The following RBFOX3 variants were observed in gnomAD, a reference collection of about 807,000 sequenced individuals.
RBFOX3 encodes RNA binding fox-1 homolog 3, also known as RNA binding protein fox-1 homolog 3.
RBFOX3 carries 17 observed loss-of-function variants against 48.7 expected under a neutral mutation model. The ratio of observed to expected loss-of-function variants is 0.35; its 90% CI spans 0.24 to 0.52. The LOEUF (loss-of-function observed/expected upper bound fraction) is 0.52, where lower values mean the gene tolerates loss of function less well. Among genes scored for constraint, RBFOX3 ranks in the 20% least tolerant of loss-of-function variants. RBFOX3 has a pLI of 0.94. For missense variants in RBFOX3, 382 were observed against 497.5 expected, an observed-to-expected ratio of 0.77 and a Z score of 2.21; for synonymous variants, 212 against 209.5, an observed-to-expected ratio of 1.01 and a Z score of -0.10.
chr17:79,437,748 A>G (rs1371006213), intron 2 of RBFOX3, among the ~76,000 whole-genome samples: 1 of 152,234 alleles, frequency 6.6e-6, no homozygotes, highest in African/African-American at 2.4e-5. Context: ...CTTGGTCCTG[A>G]AACCTGTGTC....
At position 79,249,229 on chromosome 17, in the gene RBFOX3, A is replaced by T. The variant is rs2063592143; in HGVS notation, c.-73-13424T>A. Among the ~76,000 whole-genome samples, 1 of 152,150 alleles carries T rather than the reference A, an allele frequency of 6.6e-6. No individual in the cohort carries two copies. Among genetic ancestry groups the T allele is most frequent in the East Asian group, 1.9e-4 (1 of 5,176 alleles). On this transcript the variant is annotated intron_variant, in intron 3 of 14. Coordinates refer to ENST00000693108, the MANE Select transcript of RBFOX3 (RefSeq NM_001350451.2). This position sits in a 1 kb window ranked among gnomAD's most constrained non-coding sequence, Gnocchi z 4.1. ...GGGGCGTCGAAAGCCAAGCGCGCTC[A>T]GGTCTTCAAAGCCACCGTTTGTGCT...
At chr17:79,293,712 C>T (rs946346057) in intron 3 of RBFOX3, among the ~76,000 whole-genome samples, 6 of 152,150 alleles carry the variant, frequency 3.9e-5, no homozygotes, top group Non-Finnish European at 7.3e-5. Context: ...CTTGGCCTCC[C>T]AAAGTGCTGG....
chr17:79,159,459 A>T (rs773800826), intron 4 of RBFOX3, among the ~76,000 whole-genome samples: 10 of 152,174 alleles, frequency 6.6e-5, no homozygotes, highest in Non-Finnish European at 1.3e-4. Flanking sequence ...AAGTCTGGGC[A>T]CACAGAGAGG....
intron 4 of RBFOX3, among the ~76,000 whole-genome samples, chr17:79,218,669 T>C (rs1330023895): frequency 6.6e-6 from 1 of 152,058 alleles, no homozygotes; most frequent in Non-Finnish European, 1.5e-5. Context: ...GGAGCCGAGA[T>C]GCAGGGAGGT....
chr17:79,165,944 G>T, intron 4 of RBFOX3, among the ~76,000 whole-genome samples: 1 of 152,230 alleles, frequency 6.6e-6, no homozygotes, highest in Non-Finnish European at 1.5e-5. Flanking sequence ...AGGACACTGT[G>T]AGCCAAGGCC....
At chr17:79,458,285 G>C (rs922389181) in intron 2 of RBFOX3, among the ~76,000 whole-genome samples, 1 of 152,164 alleles carries the variant, frequency 6.6e-6, no homozygotes, top group South Asian at 2.1e-4. Flanking sequence ...AAATAATTAC[G>C]GATTCACTAG....
intron 4 of RBFOX3, among the ~76,000 whole-genome samples, chr17:79,197,384 CTTTCTT>C (rs763216959): frequency 8.7e-6 from 1 of 115,416 alleles, no homozygotes; most frequent in South Asian, 3.4e-4. Context: ...TTCTTTCTTT[CTTTCTT>C]TTTTTTTTTT....
At chr17:79,286,912 G>C (rs1362093073) in intron 3 of RBFOX3, among the ~76,000 whole-genome samples, 1 of 152,206 alleles carries the variant, frequency 6.6e-6, no homozygotes, top group African/African-American at 2.4e-5. Context: ...TGAGAACGCT[G>C]TAGGGTCAGG....
At chr17:79,371,196 G>A (rs996875530) in intron 2 of RBFOX3, among the ~76,000 whole-genome samples, 1 of 152,236 alleles carries the variant, frequency 6.6e-6, no homozygotes. Flanking sequence ...CCACAGTGGC[G>A]GCCCTGTTGC....
At chr17:79,573,991 AG>A (rs2092772517) in intron 1 of RBFOX3, among the ~76,000 whole-genome samples, 1 of 152,210 alleles carries the variant, frequency 6.6e-6, no homozygotes, top group Admixed American at 6.5e-5. Context: ...CCCATGAAGA[AG>A]GGGTGCGAGC....
At chr17:79,414,247 G>A (rs1396639301) in intron 2 of RBFOX3, among the ~76,000 whole-genome samples, 1 of 151,876 alleles carries the variant, frequency 6.6e-6, no homozygotes. Context: ...GAAGAACAAG[G>A]GGTAAAAAAA....
At chr17:79,140,191 T>C (rs1036554060) in intron 4 of RBFOX3, among the ~76,000 whole-genome samples, 1 of 152,252 alleles carries the variant, frequency 6.6e-6, no homozygotes, top group Non-Finnish European at 1.5e-5. Context: ...GAGGGGAATG[T>C]GCTGTGATCT....
At chr17:79,370,772 CAT>C (rs1270325633) in intron 2 of RBFOX3, among the ~76,000 whole-genome samples, 7 of 152,192 alleles carry the variant, frequency 4.6e-5, no homozygotes, top group Non-Finnish European at 1.0e-4. Context: ...TACACACGCA[CAT>C]GTCTCATGCA....
chr17:79,262,130 C>A (rs373271478), intron 3 of RBFOX3, among the ~76,000 whole-genome samples: 47 of 152,374 alleles, frequency 3.1e-4, no homozygotes, highest in African/African-American at 1.1e-3. Flanking sequence ...TAAACCAAAA[C>A]CACTGCTCTG....
intron 2 of RBFOX3, among the ~76,000 whole-genome samples, chr17:79,337,919 G>A (rs951444706): frequency 6.6e-6 from 1 of 151,230 alleles, no homozygotes; most frequent in African/African-American, 2.4e-5. Context: ...TGTTTCATGT[G>A]TTTGCTGGCA....
At chr17:79,386,749 C>A (rs2060618321) in intron 2 of RBFOX3, among the ~76,000 whole-genome samples, 1 of 152,196 alleles carries the variant, frequency 6.6e-6, no homozygotes, top group Admixed American at 6.5e-5. Flanking sequence ...CCCGGCCCCA[C>A]CCCCTACTCC....
At chr17:79,631,698 C>T in the RBFOX3 span, among the ~76,000 whole-genome samples, 2 of 152,208 alleles carry the variant, frequency 1.3e-5, no homozygotes, top group African/African-American at 4.8e-5. Context: ...TGGCTCACCT[C>T]TCAGGAGGAG....
intron 1 of RBFOX3, among the ~76,000 whole-genome samples, chr17:79,485,837 C>T (rs1267677633): frequency 6.6e-6 from 1 of 152,198 alleles, no homozygotes; most frequent in East Asian, 1.9e-4. Flanking sequence ...GGCGAAGGCG[C>T]TGCATCCTAG....
At chr17:79,395,212 C>A (rs2148291933) in intron 2 of RBFOX3, among the ~76,000 whole-genome samples, 1 of 152,360 alleles carries the variant, frequency 6.6e-6, no homozygotes, top group East Asian at 1.9e-4. Flanking sequence ...GATGAGCTGA[C>A]ACCGGACCCA....
Sources: allele counts gnomAD v4.1 joint callset (sites outside exome capture counted in the v4.1 genomes callset), GRCh38; gene constraint gnomAD v4.1.1; non-coding constraint Gnocchi (gnomAD v3.1); transcripts MANE v1.5; gene names NCBI Gene and HGNC (gene_info 2026-07-23, HGNC 2026-07-21).